EML6: variants seen among roughly 807,000 people sequenced by gnomAD.
EML6 encodes the protein EMAP like 6.
EML6 carries 154 observed loss-of-function variants against 240.1 expected under a neutral mutation model. The observed-to-expected ratio is 0.64, with a 90% confidence interval of 0.56 to 0.73. EML6 has a LOEUF of 0.73. Ranked by LOEUF, EML6 falls within the 30% of genes least tolerant of loss-of-function variation. The probability of loss-of-function intolerance (pLI) is 0.00; values close to 1 mark genes in which losing one functional copy is unlikely to be tolerated. For synonymous variants in EML6, 1,148 were observed against 899.0 expected (o/e 1.28, Z -4.95); for missense variants, 2,964 against 2,474.6 (o/e 1.20, Z -4.20).
intron 28 of EML6, among the ~76,000 whole-genome samples, chr2:54,947,727 C>T (rs942361644): frequency 1.3e-5 from 2 of 152,172 alleles, no homozygotes; most frequent in African/African-American, 2.4e-5. Flanking sequence ...GGAGAGTGTG[C>T]GGGAAGCATT....
chr2:54,816,655 A>G, intron 3 of EML6, 132 bp from the exon 4 acceptor site: 1 of 679,332 alleles, frequency 1.5e-6, no homozygotes. Context: ...TTGGGGTTTA[A>G]GATGGGTTTT....
intron 28 of EML6, among the ~76,000 whole-genome samples, chr2:54,944,262 T>C (rs1481560462): frequency 2.6e-5 from 4 of 152,256 alleles, no homozygotes; most frequent in Non-Finnish European, 4.4e-5. Context: ...ATTGAACTCA[T>C]CATCTTCCCT....
chr2:54,953,232 G>T (rs568160106), intron 31 of EML6, among the ~76,000 whole-genome samples: 1 of 152,172 alleles, frequency 6.6e-6, no homozygotes, highest in Non-Finnish European at 1.5e-5. Flanking sequence ...TGTTGGAAAC[G>T]TGACTTATTT....
chr2:54,767,560 C>T (rs1179744816), intron 2 of EML6, among the ~76,000 whole-genome samples: 2 of 150,860 alleles, frequency 1.3e-5, no homozygotes, highest in East Asian at 1.9e-4. Context: ...TACTGAGTAG[C>T]CTGCCTGGAC....
At position 54,903,134 on chromosome 2, in the gene EML6, T is replaced by C. The variant is rs1227907198; in HGVS notation, c.3215T>C (p.Val1072Ala). 2 of 1,551,768 alleles carry C rather than the reference T, an allele frequency of 1.3e-6. No individual in the cohort carries two copies. The highest frequency in any genetic ancestry group is 1.4e-5 in the African/African-American group (1 of 73,040). Residue 1072 changes from valine (V) to alanine (A), a missense_variant, in exon 23 of 42, where the codon GTT becomes GCT. Transcript: ENST00000356458. ...GSFLVVNADTVEDMVSFHHRK... is the reference protein window; with the variant it reads ...GSFLVVNADTAEDMVSFHHRK... ...TTCCTGGTGGTAAATGCTGACACTGTTGAAGACATGGTCTCTTTCCATCAC... is the reference window on the plus strand; with the variant it reads ...TTCCTGGTGGTAAATGCTGACACTGCTGAAGACATGGTCTCTTTCCATCAC...
chr2:54,839,676 A>G (rs1669337133), intron 7 of EML6, among the ~76,000 whole-genome samples: 1 of 152,214 alleles, frequency 6.6e-6, no homozygotes, highest in Admixed American at 6.5e-5. Flanking sequence ...GTGAGGTGTC[A>G]AGGGAAATGC....
chr2:54,767,597 AGTGTGTGT>A (rs111232633), intron 2 of EML6, among the ~76,000 whole-genome samples: 7 of 145,616 alleles, frequency 4.8e-5, no homozygotes, highest in Middle Eastern at 3.4e-3. Context: ...TGGTATGAAG[AGTGTGTGT>A]GTGTGTGTGT....
intron 28 of EML6, among the ~76,000 whole-genome samples, chr2:54,948,660 C>G (rs1039061660): frequency 1.3e-5 from 2 of 152,182 alleles, no homozygotes; most frequent in African/African-American, 4.8e-5. Context: ...ACCACGGTGC[C>G]TCAAGCGTGG....
At chr2:54,963,743 C>CTAATCATT in intron 36 of EML6, among the ~76,000 whole-genome samples, 1 of 152,332 alleles carries the variant, frequency 6.6e-6, no homozygotes, top group East Asian at 1.9e-4. Context: ...TGGGTGCTAC[C>CTAATCATT]TAATCATTTA....
At chr2:54,781,361 T>A (rs985935503) in intron 2 of EML6, among the ~76,000 whole-genome samples, 4 of 152,134 alleles carry the variant, frequency 2.6e-5, no homozygotes, top group Non-Finnish European at 5.9e-5. Flanking sequence ...GTGATTCAGG[T>A]AAGAAGATGC....
chr2:54,964,821 A>G (rs2104547893), intron 38 of EML6, 88 bp downstream of exon 38: 2 of 1,264,214 alleles, frequency 1.6e-6, no homozygotes, highest in South Asian at 2.9e-5. Context: ...CTTACTGTGT[A>G]CCAGGCAATG....
At chr2:54,923,679 G>A (rs1674386789) in intron 26 of EML6, among the ~76,000 whole-genome samples, 1 of 152,048 alleles carries the variant, frequency 6.6e-6, no homozygotes, top group East Asian at 1.9e-4. Context: ...AATGTTCAGT[G>A]TTCCATTTGA....
intron 5 of EML6, among the ~76,000 whole-genome samples, chr2:54,822,215 C>G (rs1055097942): frequency 6.6e-6 from 1 of 152,124 alleles, no homozygotes; most frequent in South Asian, 2.1e-4. Flanking sequence ...TTAAATCTAT[C>G]AAATTTATGA....
At chr2:54,782,565 A>G (rs1001297147) in intron 2 of EML6, among the ~76,000 whole-genome samples, 6 of 152,104 alleles carry the variant, frequency 3.9e-5, no homozygotes, top group African/African-American at 1.4e-4. Flanking sequence ...ATTATCTGTT[A>G]CTTTGTTCTT....
intron 2 of EML6, among the ~76,000 whole-genome samples, chr2:54,755,327 T>C (rs1355022907): frequency 6.6e-6 from 1 of 152,242 alleles, no homozygotes; most frequent in Admixed American, 6.5e-5. Context: ...TTCAGAGTTG[T>C]CTTGAGTATT....
intron 2 of EML6, among the ~76,000 whole-genome samples, chr2:54,726,550 G>A (rs948645543): frequency 5.3e-5 from 8 of 152,060 alleles, no homozygotes; most frequent in Admixed American, 6.5e-5. Context: ...GAAGATGGGA[G>A]TGCTAATGTT....
At chr2:54,944,144 C>T (rs1161214299) in intron 28 of EML6, among the ~76,000 whole-genome samples, 1 of 152,130 alleles carries the variant, frequency 6.6e-6, no homozygotes, top group Non-Finnish European at 1.5e-5. Context: ...TTTTATATCC[C>T]ACCCATTGGC....
In EML6 at chr2:54,929,651, C is replaced by T. The variant is rs564598305; in HGVS notation, c.4004+900C>T. ...TAACAACAATAAGTCTGACCTATCA[C>T]TTCTTACTATTATGTGGGGTTTTAG... On this transcript the variant is annotated intron_variant, in intron 28 of 41. Coordinates refer to ENST00000356458, the MANE Select transcript of EML6 (RefSeq NM_001039753.4). Among the ~76,000 whole-genome samples, 18 of 152,096 alleles carry T rather than the reference C, an allele frequency of 1.2e-4. No individual in the cohort carries two copies. In the South Asian group the frequency reaches 3.5e-3, roughly 30 times the overall value.
chr2:54,905,506 G>A (rs1426262289), intron 24 of EML6, among the ~76,000 whole-genome samples: 2 of 151,894 alleles, frequency 1.3e-5, no homozygotes, highest in African/African-American at 4.8e-5. Flanking sequence ...ATTTTGACTG[G>A]GAAGATTTCT....
Sources: gnomAD v4.1 joint callset for allele counts (sites outside exome capture counted in the v4.1 genomes callset) on GRCh38, gnomAD v4.1.1 for gene constraint, MANE v1.5 for transcripts, NCBI Gene and HGNC (gene_info 2026-07-23, HGNC 2026-07-21) for gene names.